The following CNTNAP5 variants were observed in gnomAD, a reference collection of about 807,000 sequenced individuals.
The protein encoded by CNTNAP5 is contactin-associated protein-like 5.
CNTNAP5 carries 72 observed loss-of-function variants against 150.2 expected under a neutral mutation model. The observed-to-expected ratio is 0.48, with a 90% CI of 0.40 to 0.58. The LOEUF is 0.58. Among genes scored for constraint, CNTNAP5 ranks in the 20% least tolerant of loss-of-function variants. The pLI is 0.00. For synonymous variants in CNTNAP5, 672 were observed against 619.8 expected, an observed-to-expected ratio of 1.08 and a Z score of -1.25; for missense variants, 1,636 against 1,626.2, an observed-to-expected ratio of 1.01 and a Z score of -0.10.
intron 1 of CNTNAP5, among the ~76,000 whole-genome samples, chr2:124,168,294 A>G (rs1291640879): frequency 6.6e-6 from 1 of 152,190 alleles, no homozygotes; most frequent in Non-Finnish European, 1.5e-5. Context: ...CAAGCAAGGT[A>G]AAGAGTCTGC....
At chr2:124,869,568 G>C (rs952839643) in intron 20 of CNTNAP5, 107 bp from the exon 21 acceptor site, 1 of 680,658 alleles carries the variant, frequency 1.5e-6, no homozygotes, top group Non-Finnish European at 2.6e-6. Flanking sequence ...TCAGAGGGGG[G>C]TCTGCTATCT....
intron 21 of CNTNAP5, among the ~76,000 whole-genome samples, chr2:124,877,562 C>T (rs1460448162): frequency 6.6e-6 from 1 of 152,090 alleles, no homozygotes; most frequent in East Asian, 1.9e-4. Context: ...CAAGCAAAAA[C>T]TATTGAGCAT....
At chr2:124,526,524 G>C (rs1030255711) in intron 9 of CNTNAP5, among the ~76,000 whole-genome samples, 3 of 152,142 alleles carry the variant, frequency 2.0e-5, no homozygotes, top group African/African-American at 7.2e-5. Flanking sequence ...GATGGAGTTC[G>C]TATGGAGCAC....
intron 1 of CNTNAP5, among the ~76,000 whole-genome samples, chr2:124,075,242 A>G (rs1682410547): frequency 6.6e-6 from 1 of 152,068 alleles, no homozygotes; most frequent in African/African-American, 2.4e-5. Flanking sequence ...TTTGTCATAC[A>G]ACTTACTACA....
chr2:124,240,542 T>C (rs1477468467), intron 2 of CNTNAP5, among the ~76,000 whole-genome samples: 2 of 152,170 alleles, frequency 1.3e-5, no homozygotes, highest in Admixed American at 6.5e-5. Context: ...TTAGTGACTA[T>C]CTGCCATAAC....
At chr2:124,164,800 G>A (rs1684771647) in intron 1 of CNTNAP5, among the ~76,000 whole-genome samples, 2 of 152,144 alleles carry the variant, frequency 1.3e-5, no homozygotes, top group African/African-American at 2.4e-5. Flanking sequence ...TTTAAATGAG[G>A]CCGTTTCAAT....
chr2:124,310,987 T>G (rs748992137), intron 3 of CNTNAP5, among the ~76,000 whole-genome samples: 13 of 152,150 alleles, frequency 8.5e-5, no homozygotes, highest in Non-Finnish European at 1.9e-4. Flanking sequence ...TGAGACAGTC[T>G]CTGTAAATAA....
At chr2:124,908,329 C>T (rs1264933520) in intron 22 of CNTNAP5, among the ~76,000 whole-genome samples, 1 of 151,900 alleles carries the variant, frequency 6.6e-6, no homozygotes, top group African/African-American at 2.4e-5. Flanking sequence ...TGAGATCACA[C>T]CACTGCACTC....
At position 124,260,145 on chromosome 2, in the gene CNTNAP5, G is replaced by A. The variant is rs573150769; in HGVS notation, c.381+17752G>A. The stretch of plus-strand genomic sequence containing the variant: ...TTACAAGGCTACAGTAACCAAAACA[G>A]CATGGTACTGGTACCAAAACAGAGA... On this transcript the variant is annotated intron_variant, in intron 3 of 23. Coordinates refer to ENST00000682447, the MANE Select transcript of CNTNAP5 (RefSeq NM_001367498.1). Among the ~76,000 whole-genome samples the A allele has an allele frequency of 6.9e-4, 105 of 152,278 alleles. 1 individual carries two copies. Among genetic ancestry groups the A allele is most frequent in the South Asian group, 6.6e-3 (32 of 4,826 alleles).
At chr2:124,132,091 G>T (rs1164654425) in intron 1 of CNTNAP5, among the ~76,000 whole-genome samples, 3 of 152,106 alleles carry the variant, frequency 2.0e-5, no homozygotes, top group Non-Finnish European at 2.9e-5. Context: ...GTCCTGTTCT[G>T]CTTTGGCAGG....
intron 1 of CNTNAP5, among the ~76,000 whole-genome samples, chr2:124,031,478 G>A (rs748847622): frequency 5.9e-5 from 9 of 152,240 alleles, no homozygotes; most frequent in Middle Eastern, 6.8e-3. Context: ...ACCAAGAAGC[G>A]GTTAGCTATT....
At chr2:124,522,534 C>T (rs1486718898) in intron 8 of CNTNAP5, among the ~76,000 whole-genome samples, 1 of 152,184 alleles carries the variant, frequency 6.6e-6, no homozygotes, top group Non-Finnish European at 1.5e-5. Context: ...GTCCCATGTT[C>T]TAAAGCTGTA....
At chr2:124,307,273 G>A (rs944219736) in intron 3 of CNTNAP5, among the ~76,000 whole-genome samples, 9 of 152,100 alleles carry the variant, frequency 5.9e-5, no homozygotes, top group Middle Eastern at 3.2e-3. Context: ...GAGATCTTGT[G>A]TCTCTTCCTC....
intron 19 of CNTNAP5, among the ~76,000 whole-genome samples, chr2:124,857,607 A>G (rs1053014065): frequency 1.3e-5 from 2 of 151,896 alleles, no homozygotes; most frequent in South Asian, 2.1e-4. Flanking sequence ...GGGTGGATCA[A>G]CTGAGGTCAG....
At chr2:124,599,439 A>C (rs912991385) in intron 11 of CNTNAP5, among the ~76,000 whole-genome samples, 18 of 152,172 alleles carry the variant, frequency 1.2e-4, no homozygotes, top group African/African-American at 3.4e-4. Flanking sequence ...TGTAATTTTA[A>C]AATACGTTAT....
intron 1 of CNTNAP5, among the ~76,000 whole-genome samples, chr2:124,207,936 CA>C: frequency 6.6e-6 from 1 of 152,112 alleles, no homozygotes; most frequent in East Asian, 1.9e-4. Context: ...ACATTTATAG[CA>C]TTTTATGTCT....
chr2:124,227,463 G>A (rs778284444), intron 2 of CNTNAP5, among the ~76,000 whole-genome samples: 14 of 151,834 alleles, frequency 9.2e-5, no homozygotes, highest in African/African-American at 2.2e-4. Flanking sequence ...ACATGTGTTC[G>A]GAAAAAGAGT....
At chr2:124,853,196 T>C (rs376061814) in intron 19 of CNTNAP5, among the ~76,000 whole-genome samples, 147 of 152,312 alleles carry the variant, frequency 9.7e-4, no homozygotes, top group African/African-American at 3.4e-3. Context: ...GTCATCCCTT[T>C]GATGATGTGA....
At chr2:124,291,155 T>G (rs554443869) in intron 3 of CNTNAP5, among the ~76,000 whole-genome samples, 19 of 152,188 alleles carry the variant, frequency 1.2e-4, no homozygotes, top group African/African-American at 4.6e-4. Context: ...TAATTTGATT[T>G]GCGTATATAG....
Sources: allele counts gnomAD v4.1 joint callset (sites outside exome capture counted in the v4.1 genomes callset), GRCh38; gene constraint gnomAD v4.1.1; transcripts MANE v1.5; gene names NCBI Gene and HGNC (gene_info 2026-07-23, HGNC 2026-07-21).